CA8: variants seen among roughly 807,000 people sequenced by gnomAD.
CA8 encodes carbonic anhydrase 8 (inactive), also known as carbonic anhydrase-related protein.
A neutral mutation model predicts 41.4 loss-of-function variants in CA8; 22 were observed. That is an observed-to-expected ratio of 0.53 (90% CI 0.38 to 0.76). CA8 has a LOEUF of 0.76. Ranked by LOEUF, CA8 falls within the 30% of genes least tolerant of loss-of-function variation. The pLI is 0.00. For synonymous variants in CA8, 121 were observed against 130.6 expected, an observed-to-expected ratio of 0.93 and a Z score of 0.50; for missense variants, 270 against 352.8, an observed-to-expected ratio of 0.77 and a Z score of 1.88.
At chr8:60,281,025 C>A in intron 1 of CA8, 23 bp downstream of exon 1, 2 of 1,563,292 alleles carry the variant, frequency 1.3e-6, no homozygotes, top group Non-Finnish European at 1.8e-6. Context: ...GGACCCCGGA[C>A]ACCCCGACTC....
At chr8:60,226,215 C>T (rs576104249) in intron 5 of CA8, among the ~76,000 whole-genome samples, 1 of 152,292 alleles carries the variant, frequency 6.6e-6, no homozygotes, top group East Asian at 1.9e-4. Context: ...CTGAGTTGCT[C>T]AAACCCTGCA....
intron 8 of CA8, among the ~76,000 whole-genome samples, chr8:60,193,611 G>A (rs994892640): frequency 1.3e-5 from 2 of 152,200 alleles, no homozygotes; most frequent in Admixed American, 6.5e-5. Flanking sequence ...GAATTCTGAA[G>A]GTCATGCTCA....
At chr8:60,196,126 C>G (rs1456070227) in intron 8 of CA8, among the ~76,000 whole-genome samples, 1 of 152,074 alleles carries the variant, frequency 6.6e-6, no homozygotes, top group Non-Finnish European at 1.5e-5. Flanking sequence ...TCAAAATAAT[C>G]AGCGGAAATC....
chr8:60,276,273 T>G (rs13272076), intron 2 of CA8, among the ~76,000 whole-genome samples: 91,763 of 151,924 alleles, frequency 0.6, 28,764 homozygotes, highest in African/African-American at 0.79. Flanking sequence ...CTTCCCAGGC[T>G]TGAGGTCCAA....
In CA8 at chr8:60,238,931, G is replaced by A. The variant is rs112950288; in HGVS notation, c.418-6552C>T. 8.6e-3 allele frequency among the ~76,000 whole-genome samples: 1,303 copies of A among 152,234 alleles called. 18 individuals are homozygous for A. Among genetic ancestry groups the A allele is most frequent in the African/African-American group, 0.029 (1,221 of 41,522 alleles). On this transcript the variant is annotated intron_variant, in intron 3 of 8. Transcript: ENST00000317995. Reference sequence around the variant, plus strand: ...ATGGGCATTTGACAGAAAGATGGAGGCTGGAGATGCCAGAAATAAAGGGTG... The same window carrying A: ...ATGGGCATTTGACAGAAAGATGGAGACTGGAGATGCCAGAAATAAAGGGTG...
rs537537133 is a variant in CA8, at chr8:60,205,387, A to T, written c.*35+3363T>A. ...CTAACACTTTATGAAGTAAAAAGGC[A>T]AATAATCAAATAATCATTTTGCTGG... On this transcript the variant is annotated intron_variant, in intron 8 of 8. Transcript: ENST00000317995. Among the ~76,000 whole-genome samples, 26 of 152,336 alleles carry T rather than the reference A, an allele frequency of 1.7e-4. No individual in the cohort carries two copies. In the South Asian group the frequency reaches 5.4e-3, roughly 32 times the overall value.
rs1280809352 is a variant in CA8, at chr8:60,281,368, G to A, written c.-221C>T. On this transcript the variant is annotated 5_prime_UTR_variant, in exon 1 of 9. Coordinates refer to ENST00000317995, the MANE Select transcript of CA8 (RefSeq NM_004056.6). ...GACCCGCGTGGGAAGCGCGTCCGGAGGCCCCAGCAGAGCGAGGGAGCGGCT... is the reference window on the plus strand; with the variant it reads ...GACCCGCGTGGGAAGCGCGTCCGGAAGCCCCAGCAGAGCGAGGGAGCGGCT... 1 of 565,270 alleles carries A rather than the reference G, an allele frequency of 1.8e-6. No homozygotes were observed. Among genetic ancestry groups the A allele is most frequent in the Non-Finnish European group, 3.2e-6 (1 of 317,040 alleles). The allele number at this position is 565,270 out of a possible 1,614,324, so 35.0% of individuals were successfully genotyped here.
At chr8:60,265,675 G>T (rs1220146128) in intron 3 of CA8, 2 of 475,852 alleles carry the variant, frequency 4.2e-6, no homozygotes, top group African/African-American at 2.0e-5. Context: ...AGTAACACTA[G>T]GGTGAAATTT....
At chr8:60,190,869 T>C (rs1806100641) in intron 8 of CA8, among the ~76,000 whole-genome samples, 1 of 149,998 alleles carries the variant, frequency 6.7e-6, no homozygotes, top group Admixed American at 6.7e-5. Flanking sequence ...ATTATATTAC[T>C]ATGCAGTATT....
intron 3 of CA8, among the ~76,000 whole-genome samples, chr8:60,263,408 A>C (rs1417473909): frequency 6.6e-6 from 1 of 152,146 alleles, no homozygotes; most frequent in Admixed American, 6.5e-5. Flanking sequence ...CTGTCTAACA[A>C]GCCAGCCATT....
Position 60,281,050 on chromosome 8 carries a change from T to A in CA8, c.98A>T (p.Glu33Val), listed in dbSNP as rs763820905. 6.2e-7 allele frequency: 1 copy of A among 1,608,112 alleles called. No homozygotes were observed. The highest frequency in any genetic ancestry group is 8.5e-7 in the Non-Finnish European group (1 of 1,177,148). The change falls in exon 1 of 9, where the codon GAA (glutamate) becomes GTA (valine). Residue 33 changes from glutamate to valine, a missense_variant and splice_region_variant. This residue lies in a region of CA8 where 123 missense variants were observed against 136.8 expected (regional missense o/e 0.90). Coordinates refer to ENST00000317995, the MANE Select transcript of CA8 (RefSeq NM_004056.6). ...EEEGVEWGYE[E>V]GVEWGLVFPD... ...CACCCCGACTCGCGGCCACTTACCTTCCTCGTAGCCCCACTCCACACCCTC... is the reference window on the plus strand; with the variant it reads ...CACCCCGACTCGCGGCCACTTACCTACCTCGTAGCCCCACTCCACACCCTC...
At chr8:60,193,835 G>A (rs184259058) in intron 8 of CA8, among the ~76,000 whole-genome samples, 73 of 152,204 alleles carry the variant, frequency 4.8e-4, no homozygotes, top group East Asian at 1.5e-3. Flanking sequence ...TTATGCTCAC[G>A]AGTTCTGGGG....
intron 7 of CA8, among the ~76,000 whole-genome samples, chr8:60,213,610 TAC>T (rs1806915946): frequency 6.6e-6 from 1 of 152,192 alleles, no homozygotes; most frequent in Non-Finnish European, 1.5e-5. Flanking sequence ...AAGTGCAGAA[TAC>T]ACACTGCAAG....
rs754549694 is a variant in CA8, at chr8:60,208,739, T to C, written c.*35+11A>G. The stretch of plus-strand genomic sequence containing the variant: ...TGTGCACCTCATTTTCCTTACTTAA[T>C]CTGGACATACCCTCATGAAGACAGA... On this transcript the variant is annotated intron_variant, in intron 8 of 8. Coordinates refer to ENST00000317995, the MANE Select transcript of CA8 (RefSeq NM_004056.6). The C allele has an allele frequency of 1.2e-6, 2 of 1,612,824 alleles. No homozygotes were observed. The highest frequency in any genetic ancestry group is 2.7e-5 in the African/African-American group (2 of 74,900).
chr8:60,212,443 C>G (rs958075161), intron 7 of CA8, among the ~76,000 whole-genome samples: 2 of 152,130 alleles, frequency 1.3e-5, no homozygotes, highest in South Asian at 2.1e-4. Flanking sequence ...ATGTGGTTTC[C>G]CTGTCTTGGC....
chr8:60,232,380 CTGAG>C lies in CA8; in HGVS notation c.418-5_418-2del, dbSNP rs1171746612. 21 of 1,607,182 alleles carry C rather than the reference CTGAG, an allele frequency of 1.3e-5. No homozygotes were observed. The highest frequency in any genetic ancestry group is 1.8e-5 in the Non-Finnish European group (21 of 1,173,790). On this transcript the variant is annotated splice_acceptor_variant and splice_polypyrimidine_tract_variant and intron_variant, in intron 3 of 8. Transcript: ENST00000317995. LOFTEE classifies it high-confidence loss of function. ...TGGAGTTCCAGTGGATCAGATGGAG[CTGAG>C]TGAGTGGCAACAGACAGACCACATC...
At chr8:60,230,500 T>G (rs951843259) in intron 4 of CA8, among the ~76,000 whole-genome samples, 1 of 152,112 alleles carries the variant, frequency 6.6e-6, no homozygotes, top group East Asian at 1.9e-4. Context: ...GTCTACTCAA[T>G]GTCTCCGACC....
chr8:60,259,506 A>G (rs535100535), intron 3 of CA8, among the ~76,000 whole-genome samples: 27 of 152,248 alleles, frequency 1.8e-4, no homozygotes, highest in Non-Finnish European at 3.1e-4. Context: ...AATCAAAGGT[A>G]GCTTCAAAGT....
At chr8:60,192,933 TCATG>T (rs1439131570) in intron 8 of CA8, among the ~76,000 whole-genome samples, 3 of 96,522 alleles carry the variant, frequency 3.1e-5, no homozygotes, top group East Asian at 5.5e-4. Flanking sequence ...CCTGTCAACA[TCATG>T]CACACACACA....
Sources: allele counts gnomAD v4.1 joint callset (sites outside exome capture counted in the v4.1 genomes callset), GRCh38; gene constraint gnomAD v4.1.1; regional missense constraint gnomAD v4.1.1; transcripts MANE v1.5; gene names NCBI Gene and HGNC (gene_info 2026-07-23, HGNC 2026-07-21).